The following EML5 variants were observed in gnomAD, a reference collection of about 807,000 sequenced individuals.
EML5 encodes the protein EMAP like 5.
A neutral mutation model predicts 250.0 loss-of-function variants in EML5; 120 were observed. That is an observed-to-expected ratio of 0.48 (90% CI 0.41 to 0.56). The LOEUF is 0.56. EML5 is among the 20% of genes least tolerant of loss of function. EML5 has a pLI of 0.00. For synonymous variants in EML5, 771 were observed against 806.5 expected (o/e 0.96, Z 0.75); for missense variants, 2,006 against 2,437.6 (o/e 0.82, Z 3.73).
intron 6 of EML5, among the ~76,000 whole-genome samples, chr14:88,737,349 C>T (rs2093857953): frequency 6.6e-6 from 1 of 152,218 alleles, no homozygotes; most frequent in African/African-American, 2.4e-5. Context: ...CAGACGCCAA[C>T]GCCCAAGGCA....
chr14:88,670,054 G>A (rs2092415502), intron 21 of EML5, among the ~76,000 whole-genome samples: 1 of 152,040 alleles, frequency 6.6e-6, no homozygotes, highest in South Asian at 2.1e-4. Flanking sequence ...AGTGGCTCAT[G>A]CCTGTAATCC....
chr14:88,671,052 C>A (rs2092449454), intron 21 of EML5, among the ~76,000 whole-genome samples: 2 of 152,212 alleles, frequency 1.3e-5, no homozygotes, highest in East Asian at 3.9e-4. Flanking sequence ...TCAGGCAATC[C>A]AGAGAACCCC....
At chr14:88,663,922 C>T (rs1027599751) in intron 23 of EML5, among the ~76,000 whole-genome samples, 1 of 152,086 alleles carries the variant, frequency 6.6e-6, no homozygotes, top group Non-Finnish European at 1.5e-5. Flanking sequence ...ATTTAAATCA[C>T]TTTACAAATT....
intron 16 of EML5, 36 bp from the exon 17 acceptor site, chr14:88,694,443 T>G: frequency 2.2e-6 from 3 of 1,392,738 alleles, no homozygotes; most frequent in Non-Finnish European, 3.0e-6. Context: ...GCTCTGAAGA[T>G]TCATCATTCC....
intron 2 of EML5, among the ~76,000 whole-genome samples, chr14:88,753,713 T>C (rs1045095662): frequency 6.6e-6 from 1 of 152,220 alleles, no homozygotes; most frequent in South Asian, 2.1e-4. Context: ...AGAAACTGAT[T>C]AGTCAGTTGA....
chr14:88,629,813 A>G (rs764168661), intron 33 of EML5, among the ~76,000 whole-genome samples: 10 of 152,246 alleles, frequency 6.6e-5, no homozygotes, highest in Non-Finnish European at 1.3e-4. Context: ...CTCAGTATCC[A>G]GGTTCCACTC....
At position 88,664,537 on chromosome 14, in the gene EML5, T is replaced by C; in HGVS notation, c.3365A>G (p.Lys1122Arg). 1 of 1,610,848 alleles carries C rather than the reference T, an allele frequency of 6.2e-7. No individual in the cohort carries two copies. The highest frequency in any genetic ancestry group is 8.5e-7 in the Non-Finnish European group (1 of 1,178,806). The change falls in exon 23 of 44, where the codon AAA becomes AGA. Residue 1122 changes from lysine (K) to arginine (R), a missense_variant. Physicochemically the swap from Lys to Arg is conservative, Grantham distance 26. Coordinates refer to ENST00000554922, the MANE Select transcript of EML5 (RefSeq NM_183387.3). ...ATGGGTTATGTAACTGGTAGCTCCT[T>C]TGCATATTCCTACTCGTTTACTACT... ...VMSSKRVGICKGATSYITHID... is the reference protein window; with the variant it reads ...VMSSKRVGICRGATSYITHID...
intron 21 of EML5, among the ~76,000 whole-genome samples, chr14:88,677,471 G>A (rs1208860334): frequency 6.6e-6 from 1 of 152,160 alleles, no homozygotes; most frequent in Non-Finnish European, 1.5e-5. Context: ...TTAAACTGAA[G>A]AGCTTCCTCA....
intron 39 of EML5, 98 bp from the exon 40 acceptor site, chr14:88,618,910 G>A: frequency 8.1e-7 from 1 of 1,234,912 alleles, no homozygotes; most frequent in South Asian, 1.7e-5. Context: ...AAAGTAACGT[G>A]TGATAAGGCC....
chr14:88,761,076 G>C (rs924878967), intron 1 of EML5, among the ~76,000 whole-genome samples: 1 of 151,988 alleles, frequency 6.6e-6, no homozygotes, highest in Non-Finnish European at 1.5e-5. Flanking sequence ...AAATTATTTG[G>C]AATTTTCTAT....
intron 1 of EML5, among the ~76,000 whole-genome samples, chr14:88,781,790 A>G (rs371084352): frequency 1.3e-5 from 2 of 152,172 alleles, no homozygotes; most frequent in East Asian, 1.9e-4. Context: ...TTCTGCCATA[A>G]TTGTAAGTTT....
intron 14 of EML5, among the ~76,000 whole-genome samples, chr14:88,697,396 A>C (rs893616245): frequency 2.6e-5 from 4 of 152,214 alleles, no homozygotes; most frequent in African/African-American, 9.6e-5. Flanking sequence ...AAGAGAAGGT[A>C]CTGGAGGTGG....
chr14:88,629,871 A>G (rs1204951723), intron 33 of EML5, among the ~76,000 whole-genome samples: 2 of 152,076 alleles, frequency 1.3e-5, no homozygotes, highest in African/African-American at 2.4e-5. Context: ...CAATCCCAGT[A>G]ACTTTTCACT....
chr14:88,668,776 TA>T (rs750133885), intron 21 of EML5, among the ~76,000 whole-genome samples: 6 of 152,098 alleles, frequency 3.9e-5, no homozygotes, highest in Non-Finnish European at 8.8e-5. Context: ...AAGTATCCTT[TA>T]AAATTCATAG....
At chr14:88,757,723 A>T (rs1293661192) in intron 1 of EML5, among the ~76,000 whole-genome samples, 1 of 152,222 alleles carries the variant, frequency 6.6e-6, no homozygotes, top group East Asian at 1.9e-4. Context: ...GCTCAACATC[A>T]ATAGTCAGCA....
intron 10 of EML5, among the ~76,000 whole-genome samples, chr14:88,710,014 A>G (rs2093378192): frequency 6.6e-6 from 1 of 152,164 alleles, no homozygotes; most frequent in African/African-American, 2.4e-5. Context: ...GGTCTTGGCC[A>G]TTATTAACAG....
chr14:88,790,409 A>G (rs1386900996), intron 1 of EML5, among the ~76,000 whole-genome samples: 1 of 152,252 alleles, frequency 6.6e-6, no homozygotes, highest in African/African-American at 2.4e-5. Flanking sequence ...AAGTCAAAGC[A>G]TTACCTTCCT....
chr14:88,666,235 A>AT (rs1167929090), intron 21 of EML5, among the ~76,000 whole-genome samples: 3 of 152,138 alleles, frequency 2.0e-5, no homozygotes, highest in Admixed American at 2.0e-4. Context: ...TATAAAAGTA[A>AT]TTTTTTTTGA....
intron 8 of EML5, among the ~76,000 whole-genome samples, chr14:88,724,661 A>C (rs1180165122): frequency 1.3e-5 from 2 of 152,210 alleles, no homozygotes; most frequent in African/African-American, 4.8e-5. Context: ...AAACCTCTAT[A>C]AGTGAGCACT....
Sources: gnomAD v4.1 joint callset for allele counts (sites outside exome capture counted in the v4.1 genomes callset) on GRCh38, gnomAD v4.1.1 for gene constraint, MANE v1.5 for transcripts, NCBI Gene and HGNC (gene_info 2026-07-23, HGNC 2026-07-21) for gene names.